IFT172: variants seen among roughly 807,000 people sequenced by gnomAD.
IFT172 encodes intraflagellar transport protein 172 homolog.
In IFT172, 164 loss-of-function variants were observed where a neutral mutation model predicts 248.9. The observed-to-expected ratio is 0.66, with a 90% CI of 0.58 to 0.75. IFT172 has a LOEUF of 0.75. Among genes scored for constraint, IFT172 ranks in the 30% least tolerant of loss-of-function variants. The pLI is 0.00. For synonymous variants in IFT172, 729 were observed against 791.6 expected (o/e 0.92, Z 1.33); for missense variants, 1,950 against 2,192.4 (o/e 0.89, Z 2.21).
intron 14 of IFT172, among the ~76,000 whole-genome samples, chr2:27,474,676 C>T (rs1489466877): frequency 1.3e-5 from 2 of 152,034 alleles, no homozygotes; most frequent in Non-Finnish European, 2.9e-5. Flanking sequence ...CTCAGCCTCC[C>T]GAGTAGCTGG....
At position 27,449,345 on chromosome 2, in the gene IFT172, C is replaced by T; in HGVS notation, c.4260G>A (p.Leu1420=). The change falls in exon 39 of 48, where the codon CTG becomes CTA. Residue 1420 remains leucine, a synonymous_variant. Coordinates refer to ENST00000260570, the MANE Select transcript of IFT172 (RefSeq NM_015662.3). ...VGVDVIAALD[L]YVEQGQWDKC... is the part of the protein sequence containing the mutation. The stretch of plus-strand genomic sequence containing the variant: ...TGTCCCACTGGCCCTGCTCCACATA[C>T]AGGTCCAAAGCAGCTATCACATCCA... 1 of 1,614,102 alleles carries T rather than the reference C, an allele frequency of 6.2e-7. No individual in the cohort carries two copies. The highest frequency in any genetic ancestry group is 8.5e-7 in the Non-Finnish European group (1 of 1,180,006).
intron 35 of IFT172, chr2:27,453,041 T>A (rs1279012261): frequency 2.7e-6 from 1 of 363,930 alleles, no homozygotes; most frequent in Non-Finnish European, 5.3e-6. Flanking sequence ...TCTTCCCTCC[T>A]TCTTCACAGA....
At chr2:27,488,911 G>T (rs1366550566) in intron 1 of IFT172, among the ~76,000 whole-genome samples, 1 of 152,178 alleles carries the variant, frequency 6.6e-6, no homozygotes, top group Admixed American at 6.5e-5. Flanking sequence ...GCGTGCTAGC[G>T]CACGTCTGTA....
chr2:27,477,502 C>A, intron 12 of IFT172, 57 bp downstream of exon 12: 2 of 1,350,480 alleles, frequency 1.5e-6, no homozygotes, highest in Non-Finnish European at 1.1e-6. Context: ...ATCTTTATGA[C>A]ACAGAAGCTA....
rs750235850 is a variant in IFT172, at chr2:27,485,460, T to C, written c.83A>G (p.Asn28Ser). ...KVTCMAWSQN[N>S]AKFAVCTVDR... ...CACTGTGCAGACAGCAAATTTGGCATTGTTCTGGGACCAAGCCATGCAGGT... is the reference window on the plus strand; with the variant it reads ...CACTGTGCAGACAGCAAATTTGGCACTGTTCTGGGACCAAGCCATGCAGGT... Residue 28 changes from asparagine to serine, a missense_variant, in exon 2 of 48, where the codon AAT becomes AGT. Coordinates refer to ENST00000260570, the MANE Select transcript of IFT172 (RefSeq NM_015662.3). 6.8e-6 allele frequency: 11 copies of C among 1,614,130 alleles called. No individual in the cohort carries two copies. Among genetic ancestry groups the C allele is most frequent in the South Asian group, 1.1e-5 (1 of 91,084 alleles).
intron 30 of IFT172, 106 bp downstream of exon 30, chr2:27,456,405 T>C: frequency 7.7e-6 from 11 of 1,429,704 alleles, no homozygotes; most frequent in Non-Finnish European, 1.0e-5. Flanking sequence ...TGCCACTCTA[T>C]CATGTCCTTC....
intron 6 of IFT172, 40 bp from the exon 7 acceptor site, chr2:27,483,416 T>C (rs947354322): frequency 2.7e-6 from 4 of 1,456,642 alleles, no homozygotes; most frequent in Middle Eastern, 1.7e-4. Flanking sequence ...GAAGAGACTA[T>C]TTTATCTCAC....
intron 39 of IFT172, 117 bp downstream of exon 39, chr2:27,449,177 C>T: frequency 7.6e-7 from 1 of 1,321,678 alleles, no homozygotes; most frequent in Non-Finnish European, 1.1e-6. Context: ...TCTCTGATGC[C>T]CATTAGAAAT....
At chr2:27,481,596 C>T (rs1413165655) in intron 7 of IFT172, among the ~76,000 whole-genome samples, 2 of 150,964 alleles carry the variant, frequency 1.3e-5, no homozygotes, top group Non-Finnish European at 2.9e-5. Flanking sequence ...GGCTGGAGTG[C>T]AGTGGCACAA....
chr2:27,484,911 G>A, intron 3 of IFT172, 107 bp downstream of exon 3: 1 of 726,022 alleles, frequency 1.4e-6, no homozygotes, highest in Non-Finnish European at 2.4e-6. Context: ...TGCCTTCAAT[G>A]GCCAAGCTTG....
At chr2:27,470,683 A>G (rs1175418072) in intron 16 of IFT172, 1 of 366,810 alleles carries the variant, frequency 2.7e-6, no homozygotes, top group Non-Finnish European at 4.8e-6. Context: ...GGATCTCCAT[A>G]TTATGACCTG....
intron 40 of IFT172, among the ~76,000 whole-genome samples, chr2:27,448,257 G>A (rs1230138839): frequency 9.2e-5 from 14 of 151,930 alleles, no homozygotes; most frequent in African/African-American, 2.9e-4. Context: ...CTGCCACCAC[G>A]CCCAGCTAAC....
chr2:27,444,832 G>C (rs867814195), intron 47 of IFT172, among the ~76,000 whole-genome samples, 182 bp downstream of exon 47: 13 of 152,308 alleles, frequency 8.5e-5, no homozygotes, highest in Admixed American at 3.3e-4. Flanking sequence ...ATTTTTAGTA[G>C]AGACGAGGTT....
At chr2:27,484,161 T>C (rs765945293) in intron 4 of IFT172, 66 bp downstream of exon 4, 59 of 1,593,030 alleles carry the variant, frequency 3.7e-5, no homozygotes, top group Non-Finnish European at 4.6e-5. Context: ...CTGGCTGTAT[T>C]TATAAGTAGA....
chr2:27,477,434 G>A (rs1488426979), intron 12 of IFT172, 114 bp from the exon 13 acceptor site: 7 of 1,211,322 alleles, frequency 5.8e-6, no homozygotes, highest in Non-Finnish European at 8.6e-6. Context: ...CTCTTACCCT[G>A]CCAATTTCAT....
At chr2:27,465,542 A>C (rs756569796) in intron 17 of IFT172, 24 bp from the exon 18 acceptor site, 1 of 1,608,172 alleles carries the variant, frequency 6.2e-7, no homozygotes, top group South Asian at 1.1e-5. Flanking sequence ...GAAGCAAAGC[A>C]TAATGAATGA....
At chr2:27,477,637 G>A in intron 11 of IFT172, 25 bp from the exon 12 acceptor site, 1 of 1,511,346 alleles carries the variant, frequency 6.6e-7, no homozygotes, top group Non-Finnish European at 9.2e-7. Flanking sequence ...GACTTAAGAA[G>A]CAATGTGGAT....
At chr2:27,459,555 G>C (rs1417290913) in intron 24 of IFT172, 33 bp from the exon 25 acceptor site, 2 of 1,611,488 alleles carry the variant, frequency 1.2e-6, no homozygotes, top group African/African-American at 2.7e-5. Context: ...AAATATGTAG[G>C]ATGAAAGATG....
At chr2:27,459,209 T>C in intron 25 of IFT172, 169 bp downstream of exon 25, 1 of 818,320 alleles carries the variant, frequency 1.2e-6, no homozygotes, top group Non-Finnish European at 1.9e-6. Flanking sequence ...TGTGTCACAC[T>C]GGAATGAAAA....
Sources: gnomAD v4.1 joint callset for allele counts (sites outside exome capture counted in the v4.1 genomes callset) on GRCh38, gnomAD v4.1.1 for gene constraint, MANE v1.5 for transcripts, NCBI Gene and HGNC (gene_info 2026-07-23, HGNC 2026-07-21) for gene names.